The following KMT2A variants were observed in gnomAD, a reference collection of about 807,000 sequenced individuals.
KMT2A encodes lysine methyltransferase 2A, also known as histone-lysine N-methyltransferase 2A.
In KMT2A, 16 loss-of-function variants were observed where a neutral mutation model predicts 345.3. That is an observed-to-expected ratio of 0.05 (90% CI 0.03 to 0.07). KMT2A has a LOEUF of 0.07. Ranked by LOEUF, KMT2A falls within the 10% of genes least tolerant of loss-of-function variation. The pLI is 1.00. For missense variants in KMT2A, 3,272 were observed against 4,841.6 expected (o/e 0.68, Z 9.62); for synonymous variants, 1,599 against 1,778.6 (o/e 0.90, Z 2.54).
Position 118,509,170 on chromosome 11 carries a change from C to A in KMT2A, c.10870C>A (p.Gln3624Lys), listed in dbSNP as rs1950640800. The A allele has an allele frequency of 6.2e-7, 1 of 1,613,648 alleles. No homozygotes were observed. ...VAVLPEVQVT[Q>K]NPANEQESAE... is the part of the protein sequence containing the mutation. Reference sequence around the variant, plus strand: ...TGTTCTTCCGGAAGTTCAGGTGACCCAAAATCCAGCAAATGAACAAGAAAG... The same window carrying A: ...TGTTCTTCCGGAAGTTCAGGTGACCAAAAATCCAGCAAATGAACAAGAAAG... The change falls in exon 29 of 36, where the codon CAA becomes AAA. Residue 3624 changes from glutamine (Q) to lysine (K), a missense_variant. Physicochemically the swap from Gln to Lys is moderately conservative, Grantham distance 53. This residue lies in a region of KMT2A where 748 missense variants were observed against 922.2 expected (regional missense o/e 0.81). Coordinates refer to ENST00000534358, the MANE Select transcript of KMT2A (RefSeq NM_001197104.2).
At position 118,503,115 on chromosome 11, in the gene KMT2A, C is replaced by G. The variant is rs1950527483; in HGVS notation, c.7223C>G (p.Ser2408Cys). 4 of 1,613,434 alleles carry G rather than the reference C, an allele frequency of 2.5e-6. No individual in the cohort carries two copies. The highest frequency in any genetic ancestry group is 3.4e-6 in the Non-Finnish European group (4 of 1,180,002). Residue 2408 changes from serine to cysteine, a missense_variant, in exon 27 of 36, where the codon TCT becomes TGT. Ser to Cys is a moderately radical substitution (Grantham distance 112, BLOSUM62 -1). Coordinates refer to ENST00000534358, the MANE Select transcript of KMT2A (RefSeq NM_001197104.2). The surrounding 1 kb of genome is among the most constrained non-coding windows in gnomAD (Gnocchi z 5.3). ...EDTEVKTLKL[S>C]GMSNRSSIIN... ...ACTGAAGTCAAAACCTTGAAGCTAT[C>G]TGGAATGAGCAACAGATCATCCATT...
At chr11:118,500,950 C>T in intron 24 of KMT2A, 37 bp from the exon 25 acceptor site, 11 of 1,561,380 alleles carry the variant, frequency 7.0e-6, no homozygotes, top group Non-Finnish European at 9.7e-6. Flanking sequence ...CTTCTATCCT[C>T]TCCCTTATGA....
Position 118,522,156 on chromosome 11 carries a change from G to A in KMT2A, c.11903G>A (p.Arg3968Gln), listed in dbSNP as rs369182428. 38 of 1,613,942 alleles carry A rather than the reference G, an allele frequency of 2.4e-5. No homozygotes were observed. The highest frequency in any genetic ancestry group is 3.1e-5 in the Non-Finnish European group (37 of 1,179,936). The change falls in exon 36 of 36, where the codon CGG (arginine) becomes CAG (glutamine). Residue 3968 changes from arginine to glutamine, a missense_variant. Around this residue, in one of 27 missense-constraint regions of KMT2A, gnomAD observed 78 missense variants for 254.5 expected, o/e 0.31. Coordinates refer to ENST00000534358, the MANE Select transcript of KMT2A (RefSeq NM_001197104.2). The surrounding 1 kb of genome is among the most constrained non-coding windows in gnomAD (Gnocchi z 5.4). ...LPCNCGAKKC[R>Q]KFLN ...TGCAACTGTGGCGCCAAGAAATGCCGGAAGTTCCTAAACTAAAGCTGCTCT... is the reference window on the plus strand; with the variant it reads ...TGCAACTGTGGCGCCAAGAAATGCCAGAAGTTCCTAAACTAAAGCTGCTCT...
intron 31 of KMT2A, among the ~76,000 whole-genome samples, chr11:118,516,721 A>G (rs531074720): frequency 1.3e-5 from 2 of 152,350 alleles, no homozygotes; most frequent in South Asian, 2.1e-4. Flanking sequence ...GAATGAATAA[A>G]TGAGTCTCCC....
intron 1 of KMT2A, among the ~76,000 whole-genome samples, chr11:118,455,528 A>G (rs781814523): frequency 3.1e-4 from 47 of 152,206 alleles, no homozygotes; most frequent in Non-Finnish European, 5.3e-4. Context: ...ATACCATACA[A>G]GAATTAACAA....
At chr11:118,441,975 G>C (rs1223687916) in intron 1 of KMT2A, among the ~76,000 whole-genome samples, 2 of 152,162 alleles carry the variant, frequency 1.3e-5, no homozygotes, top group African/African-American at 4.8e-5. Context: ...TGGCTAGAGG[G>C]GGTGGCAACA....
intron 1 of KMT2A, among the ~76,000 whole-genome samples, chr11:118,464,748 C>T (rs1255030366): frequency 1.3e-5 from 2 of 152,088 alleles, no homozygotes; most frequent in African/African-American, 4.8e-5. Flanking sequence ...AAAGCACAAT[C>T]AAAGTAATGG....
Position 118,473,578 on chromosome 11 carries a change from G to C in KMT2A, c.2419G>C (p.Gly807Arg), listed in dbSNP as rs2134268425. 6.2e-7 allele frequency: 1 copy of C among 1,614,012 alleles called. No individual in the cohort carries two copies. The highest frequency in any genetic ancestry group is 8.5e-7 in the Non-Finnish European group (1 of 1,180,022). ...TFPSHSLTQS[G>R]ESAEKNQRPR... ...TCCTTCTCATTCCCTGACTCAGTCT[G>C]GGGAATCTGCAGAGAAAAATCAGAG... is the stretch of plus-strand genomic sequence containing the variant. The change falls in exon 3 of 36, where the codon GGG (glycine) becomes CGG (arginine). Residue 807 changes from glycine (G) to arginine (R), a missense_variant. Around this residue, in one of 27 missense-constraint regions of KMT2A, gnomAD observed 209 missense variants for 237.4 expected, o/e 0.88. Coordinates refer to ENST00000534358, the MANE Select transcript of KMT2A (RefSeq NM_001197104.2). This position sits in a 1 kb window ranked among gnomAD's most constrained non-coding sequence, Gnocchi z 5.2.
At chr11:118,469,490 T>C (rs1194530903) in intron 2 of KMT2A, among the ~76,000 whole-genome samples, 2 of 152,208 alleles carry the variant, frequency 1.3e-5, no homozygotes, top group South Asian at 2.1e-4. Context: ...ATTAGCAATA[T>C]TTGTCATTAT....
intron 25 of KMT2A, among the ~76,000 whole-genome samples, 199 bp downstream of exon 25, chr11:118,501,346 G>C (rs1555045581): frequency 1.3e-5 from 2 of 152,042 alleles, no homozygotes. Context: ...TGTAATCCCA[G>C]TAATCCCAGC....
Position 118,436,587 on chromosome 11 carries a change from G to T in KMT2A, c.75G>T (p.Arg25=). The part of the protein sequence containing the change: ...TTGGGGGGGR[R]GLGGAPRQRV... The stretch of plus-strand genomic sequence containing the variant: ...GGGGCGGCGGCGGCGGGGGGCGCCG[G>T]GGCCTAGGGGGCGCCCCGCGGCAAC... The change falls in exon 1 of 36, where the codon CGG becomes CGT. Residue 25 remains arginine (R), a synonymous_variant. Transcript: ENST00000534358. The surrounding 1 kb of genome is among the most constrained non-coding windows in gnomAD (Gnocchi z 6.9). 1 of 1,172,892 alleles carries T rather than the reference G, an allele frequency of 8.5e-7. No individual in the cohort carries two copies. Among genetic ancestry groups the T allele is most frequent in the Non-Finnish European group, 1.1e-6 (1 of 942,060 alleles). The allele number at this position is 1,172,892 out of a possible 1,614,324, so 72.7% of individuals were successfully genotyped here.
At position 118,496,409 on chromosome 11, in the gene KMT2A, C is replaced by T; in HGVS notation, c.5664+42C>T. ...ACAGGGCCCTAGTTAATACATACTC[C>T]AAAAGAACTGTTTGTCCTTGTGTCC... On this transcript the variant is annotated intron_variant, in intron 20 of 35. Transcript: ENST00000534358. This position sits in a 1 kb window ranked among gnomAD's most constrained non-coding sequence, Gnocchi z 4.7. 7.4e-7 allele frequency: 1 copy of T among 1,345,762 alleles called. No individual in the cohort carries two copies. The highest frequency in any genetic ancestry group is 1.1e-6 in the Non-Finnish European group (1 of 936,536). The allele number at this position is 1,345,762 out of a possible 1,614,324, so 83.4% of individuals were successfully genotyped here.
intron 31 of KMT2A, among the ~76,000 whole-genome samples, chr11:118,513,123 A>C (rs961807805): frequency 6.6e-6 from 1 of 151,994 alleles, no homozygotes; most frequent in Non-Finnish European, 1.5e-5. Flanking sequence ...GCACACCTGT[A>C]CTCCCAGCTA....
chr11:118,505,949 A>G lies in KMT2A; in HGVS notation c.10057A>G (p.Thr3353Ala). Residue 3353 changes from threonine (T) to alanine (A), a missense_variant, in exon 27 of 36, where the codon ACA becomes GCA. Coordinates refer to ENST00000534358, the MANE Select transcript of KMT2A (RefSeq NM_001197104.2). The surrounding 1 kb of genome is among the most constrained non-coding windows in gnomAD (Gnocchi z 4.6). ...GAATGTTGTATCCATGCAAACTACC[A>G]CAACCCCTACAAGTAGTGCGTCAGT... ...VLNVVSMQTT[T>A]TPTSSASVPG... 6.2e-7 allele frequency: 1 copy of G among 1,614,170 alleles called. No homozygotes were observed. The highest frequency in any genetic ancestry group is 8.5e-7 in the Non-Finnish European group (1 of 1,180,040).
intron 1 of KMT2A, among the ~76,000 whole-genome samples, chr11:118,460,614 A>T (rs573147931): frequency 6.6e-6 from 1 of 152,136 alleles, no homozygotes; most frequent in South Asian, 2.1e-4. Flanking sequence ...AAAATTTTTT[A>T]TTCCAGAATA....
Position 118,496,349 on chromosome 11 carries a change from T to C in KMT2A, c.5646T>C (p.Tyr1882=), listed in dbSNP as rs782001337. The C allele has an allele frequency of 6.2e-6, 10 of 1,613,302 alleles. No homozygotes were observed. The highest frequency in any genetic ancestry group is 5.3e-5 in the African/African-American group (4 of 74,906). The change falls in exon 20 of 36, where the codon TAT becomes TAC. Residue 1882 remains tyrosine, a synonymous_variant. Transcript: ENST00000534358. The surrounding 1 kb of genome is among the most constrained non-coding windows in gnomAD (Gnocchi z 4.7). ...DNRQCALCLT[Y]GDDSANDAGR... The stretch of plus-strand genomic sequence containing the variant: ...GACAGTGTGCGTTATGTTTGACTTA[T>C]GGTGATGACAGTGCTAATGTAAGTA...
chr11:118,504,721 T>A lies in KMT2A; in HGVS notation c.8829T>A (p.Thr2943=), dbSNP rs782603046. The change falls in exon 27 of 36, where the codon ACT becomes ACA. Residue 2943 remains threonine, a synonymous_variant. Transcript: ENST00000534358. The surrounding 1 kb of genome is among the most constrained non-coding windows in gnomAD (Gnocchi z 6.4). ...CTGTCTTGACCACCCGGAGTCCCAC[T>A]GTCCCCAGCCAGAATCCCAGTAGAC... The part of the protein sequence containing the change: ...DLSVLTTRSP[T]VPSQNPSRLA... The A allele has an allele frequency of 1.2e-6, 2 of 1,614,144 alleles. No individual in the cohort carries two copies. Among genetic ancestry groups the A allele is most frequent in the Non-Finnish European group, 1.7e-6 (2 of 1,180,026 alleles).
chr11:118,438,946 G>T, intron 1 of KMT2A: 1 of 440,008 alleles, frequency 2.3e-6, no homozygotes, highest in Non-Finnish European at 4.6e-6. Context: ...GCTGCAGTCA[G>T]CAGGGTTGTT....
intron 4 of KMT2A, among the ~76,000 whole-genome samples, 195 bp from the exon 5 acceptor site, chr11:118,477,772 G>T (rs1555037975): frequency 1.3e-5 from 2 of 151,420 alleles, no homozygotes; most frequent in African/African-American, 2.4e-5. Flanking sequence ...CTCCCAAAGT[G>T]CTAGGATTAC....
Sources: gnomAD v4.1 joint callset for allele counts (sites outside exome capture counted in the v4.1 genomes callset) on GRCh38, gnomAD v4.1.1 for gene constraint, gnomAD v4.1.1 regional missense constraint, Gnocchi (gnomAD v3.1) non-coding constraint, MANE v1.5 for transcripts, NCBI Gene and HGNC (gene_info 2026-07-23, HGNC 2026-07-21) for gene names.